The following IL19 variants were observed in gnomAD, a reference collection of about 807,000 sequenced individuals.
IL19 encodes interleukin-19.
IL19 carries 15 observed loss-of-function variants against 19.5 expected under a neutral mutation model. The ratio of observed to expected loss-of-function variants is 0.77; its 90% CI spans 0.52 to 1.19. The LOEUF is 1.19. IL19 is among the 50% of genes most tolerant of loss of function. The probability of loss-of-function intolerance (pLI) is 0.00; values close to 1 mark genes in which losing one functional copy is unlikely to be tolerated. For missense variants in IL19, 199 were observed against 213.1 expected (o/e 0.93, Z 0.41); for synonymous variants, 78 against 78.3 (o/e 1.00, Z 0.02).
At chr1:206,778,983 T>A (rs1675070472) in intron 1 of IL19, among the ~76,000 whole-genome samples, 1 of 152,176 alleles carries the variant, frequency 6.6e-6, no homozygotes, top group African/African-American at 2.4e-5. Context: ...CTGGCTTGTC[T>A]GTCATAATAT....
chr1:206,779,843 G>GCTCT (rs200603022), intron 1 of IL19, among the ~76,000 whole-genome samples: 1 of 147,446 alleles, frequency 6.8e-6, no homozygotes. Context: ...TGATCCGCAT[G>GCTCT]CTCTCTCTCT....
chr1:206,796,054 C>A (rs1340363343), intron 1 of IL19, among the ~76,000 whole-genome samples: 1 of 151,650 alleles, frequency 6.6e-6, no homozygotes, highest in Non-Finnish European at 1.5e-5. Context: ...CCCAGGAAAG[C>A]CGATGGTATA....
At chr1:206,841,697 T>C (rs1677024966) in intron 6 of IL19, among the ~76,000 whole-genome samples, 1 of 152,242 alleles carries the variant, frequency 6.6e-6, no homozygotes, top group African/African-American at 2.4e-5. Flanking sequence ...TGTTATGGGC[T>C]CTGCTTCTTT....
Position 206,771,336 on chromosome 1 carries a change from C to T in IL19, c.-149+258C>T, listed in dbSNP as rs1372528108. On this transcript the variant is annotated intron_variant, in intron 1 of 6. Transcript: ENST00000659997. ...TTAATCATGCTGCACACTCCCCCAGCACCCCGCCCCTGCTCTCACCTTAAA... is the reference window on the plus strand; with the variant it reads ...TTAATCATGCTGCACACTCCCCCAGTACCCCGCCCCTGCTCTCACCTTAAA... The T allele has an allele frequency of 1.2e-6, 2 of 1,608,980 alleles. No homozygotes were observed. Among genetic ancestry groups the T allele is most frequent in the South Asian group, 2.2e-5 (2 of 90,956 alleles).
At chr1:206,817,777 A>G (rs1167401372) in intron 2 of IL19, among the ~76,000 whole-genome samples, 1 of 148,164 alleles carries the variant, frequency 6.7e-6, no homozygotes, top group South Asian at 2.1e-4. Flanking sequence ...TTTTTTTTTT[A>G]ATTTGAGACA....
At chr1:206,803,563 GC>G (rs1675771854) in intron 2 of IL19, among the ~76,000 whole-genome samples, 1 of 152,128 alleles carries the variant, frequency 6.6e-6, no homozygotes, top group South Asian at 2.1e-4. Context: ...CGATAAAGAG[GC>G]CCAGACACAG....
chr1:206,829,560 C>G (rs532843970), intron 2 of IL19, among the ~76,000 whole-genome samples: 4 of 152,122 alleles, frequency 2.6e-5, no homozygotes, highest in Admixed American at 2.6e-4. Context: ...AGGCGAAGTC[C>G]AGGCTGTGAT....
At chr1:206,781,150 A>G (rs528613722) in intron 1 of IL19, among the ~76,000 whole-genome samples, 1 of 152,126 alleles carries the variant, frequency 6.6e-6, no homozygotes. Flanking sequence ...AAACCTTATA[A>G]AAGAGAGGAG....
At chr1:206,828,012 G>T (rs1477197314) in intron 2 of IL19, among the ~76,000 whole-genome samples, 1 of 151,842 alleles carries the variant, frequency 6.6e-6, no homozygotes, top group Non-Finnish European at 1.5e-5. Context: ...AGACCCTGGG[G>T]TGGCAAATGT....
chr1:206,817,073 A>G (rs1676175477), intron 2 of IL19, among the ~76,000 whole-genome samples: 1 of 152,214 alleles, frequency 6.6e-6, no homozygotes, highest in African/African-American at 2.4e-5. Context: ...GGCTTCTGAT[A>G]TCAAGAAAAA....
At chr1:206,811,558 G>C (rs1414873795) in intron 2 of IL19, among the ~76,000 whole-genome samples, 1 of 151,778 alleles carries the variant, frequency 6.6e-6, no homozygotes, top group Non-Finnish European at 1.5e-5. Flanking sequence ...GTGGACAAAT[G>C]ACGCATCCTG....
At chr1:206,791,339 G>C (rs1036909028) in intron 1 of IL19, among the ~76,000 whole-genome samples, 3 of 138,316 alleles carry the variant, frequency 2.2e-5, no homozygotes, top group Non-Finnish European at 4.6e-5. Context: ...TTTCGGTCTT[G>C]TTGACCAGGC....
rs551516761 is a variant in IL19, at chr1:206,771,160, T to C, written c.-149+82T>C. 5 of 1,379,630 alleles carry C rather than the reference T, an allele frequency of 3.6e-6. No individual in the cohort carries two copies. In the African/African-American group the frequency reaches 7.1e-5, roughly 20 times the overall value. The allele number at this position is 1,379,630 out of a possible 1,614,324, so 85.5% of individuals were successfully genotyped here. ...GAGGACAGCTTGGTTCTAGCGATCC[T>C]CCTTCACCAGAAGCCTCCCCGAAGG... On this transcript the variant is annotated intron_variant, in intron 1 of 6. Transcript: ENST00000659997.
At chr1:206,815,798 A>T (rs952298796) in intron 2 of IL19, among the ~76,000 whole-genome samples, 4 of 152,340 alleles carry the variant, frequency 2.6e-5, no homozygotes, top group African/African-American at 9.6e-5. Flanking sequence ...GCAAATAAGA[A>T]GATGGCAAAG....
In IL19 at chr1:206,804,579, G is replaced by A. The variant is rs559076795; in HGVS notation, c.-3+5573G>A. 1.2e-4 allele frequency among the ~76,000 whole-genome samples: 18 copies of A among 152,286 alleles called. 2 individuals carry two copies. The South Asian group carries it at 3.5e-3, about 30-fold the overall frequency. ...AAGCAACAAGCTTTTATTGGTGTCA[G>A]CATCTTTCCAGGTACAATGCAAACC... On this transcript the variant is annotated intron_variant, in intron 2 of 6. Coordinates refer to ENST00000659997, the MANE Select transcript of IL19 (RefSeq NM_153758.5).
intron 2 of IL19, among the ~76,000 whole-genome samples, chr1:206,814,516 C>T (rs1018668447): frequency 1.3e-5 from 2 of 148,784 alleles, no homozygotes; most frequent in Non-Finnish European, 3.0e-5. Context: ...TATGGCGAAA[C>T]CCTGTCTCTA....
At chr1:206,819,576 C>T (rs1355779784) in intron 2 of IL19, among the ~76,000 whole-genome samples, 3 of 77,666 alleles carry the variant, frequency 3.9e-5, no homozygotes, top group South Asian at 1.3e-3. Flanking sequence ...AGCAAGACTC[C>T]GTCTAAAAAA....
At position 206,841,919 on chromosome 1, in the gene IL19, G is replaced by A. The variant is rs142967357; in HGVS notation, c.439-608G>A. 1.7e-3 allele frequency among the ~76,000 whole-genome samples: 256 copies of A among 152,302 alleles called. 2 individuals carry two copies. The highest frequency in any genetic ancestry group is 0.012 in the East Asian group (61 of 5,192). On this transcript the variant is annotated intron_variant, in intron 6 of 6. Coordinates refer to ENST00000659997, the MANE Select transcript of IL19 (RefSeq NM_153758.5). Reference sequence around the variant, plus strand: ...AACTAAGTTCACACTGCAACTGCACGGCAGAGGTAGGATTCAATTCCACGC... The same window carrying A: ...AACTAAGTTCACACTGCAACTGCACAGCAGAGGTAGGATTCAATTCCACGC...
intron 1 of IL19, among the ~76,000 whole-genome samples, chr1:206,779,842 T>A (rs756210278): frequency 1.3e-5 from 2 of 150,384 alleles, no homozygotes; most frequent in Non-Finnish European, 2.9e-5. Context: ...ATGATCCGCA[T>A]GCTCTCTCTC....
Sources: gnomAD v4.1 joint callset for allele counts (sites outside exome capture counted in the v4.1 genomes callset) on GRCh38, gnomAD v4.1.1 for gene constraint, MANE v1.5 for transcripts, NCBI Gene and HGNC (gene_info 2026-07-23, HGNC 2026-07-21) for gene names.